KCNIP4: variants seen among roughly 807,000 people sequenced by gnomAD.
The protein encoded by KCNIP4 is Kv channel-interacting protein 4.
In KCNIP4, 12 loss-of-function variants were observed where a neutral mutation model predicts 34.0. The observed-to-expected ratio is 0.35, with a 90% confidence interval of 0.23 to 0.57. KCNIP4 has a LOEUF of 0.57. Ranked by LOEUF, KCNIP4 falls within the 20% of genes least tolerant of loss-of-function variation. The pLI is 0.83. For missense variants in KCNIP4, 238 were observed against 311.7 expected (o/e 0.76, Z 1.78); for synonymous variants, 124 against 102.2 (o/e 1.21, Z -1.29).
intron 1 of KCNIP4, among the ~76,000 whole-genome samples, chr4:21,441,111 T>C (rs1424859087): frequency 6.6e-6 from 1 of 151,686 alleles, no homozygotes; most frequent in Non-Finnish European, 1.5e-5. Flanking sequence ...CAGGGTCTTC[T>C]ATCTGCCCTT....
intron 1 of KCNIP4, among the ~76,000 whole-genome samples, chr4:21,404,981 C>A (rs1723848471): frequency 6.6e-6 from 1 of 152,068 alleles, no homozygotes; most frequent in South Asian, 2.1e-4. Context: ...TTGTAAAAAC[C>A]AGTTTTAGCA....
chr4:21,123,369 T>C (rs1750337122), intron 1 of KCNIP4, among the ~76,000 whole-genome samples: 1 of 152,162 alleles, frequency 6.6e-6, no homozygotes, highest in African/African-American at 2.4e-5. Flanking sequence ...CTCACAGAGC[T>C]TGTGATTTCA....
intron 1 of KCNIP4, among the ~76,000 whole-genome samples, chr4:21,100,924 G>A (rs1010810668): frequency 6.6e-6 from 1 of 152,098 alleles, no homozygotes; most frequent in Non-Finnish European, 1.5e-5. Flanking sequence ...GTTTGTGTGT[G>A]TATGTGAAGA....
intron 1 of KCNIP4, among the ~76,000 whole-genome samples, chr4:21,876,369 T>C (rs1411179498): frequency 6.6e-6 from 1 of 152,178 alleles, no homozygotes; most frequent in Non-Finnish European, 1.5e-5. Context: ...TGGAAGTTAG[T>C]AAAATAAAGA....
chr4:21,094,744 C>T (rs926609438), intron 1 of KCNIP4, among the ~76,000 whole-genome samples: 2 of 152,090 alleles, frequency 1.3e-5, no homozygotes, highest in Non-Finnish European at 1.5e-5. Context: ...AAGGCAGCTG[C>T]CACATTGTGA....
intron 1 of KCNIP4, among the ~76,000 whole-genome samples, chr4:21,736,676 A>C (rs1450730): frequency 0.75 from 113,500 of 152,100 alleles, 44,084 homozygotes; most frequent in African/African-American, 0.91. Flanking sequence ...TACCTCTTCC[A>C]TTATCTGTAT....
At chr4:21,539,782 C>A (rs745942473) in intron 1 of KCNIP4, among the ~76,000 whole-genome samples, 2 of 151,976 alleles carry the variant, frequency 1.3e-5, no homozygotes, top group South Asian at 4.2e-4. Flanking sequence ...AGTATAAGAC[C>A]AGCCTGGCCA....
chr4:21,192,184 T>A (rs1273421889), intron 1 of KCNIP4, among the ~76,000 whole-genome samples: 1 of 152,186 alleles, frequency 6.6e-6, no homozygotes, highest in Non-Finnish European at 1.5e-5. Flanking sequence ...AGCATTTTCT[T>A]ATAGTTAAAT....
At chr4:20,957,860 G>C (rs1733472644) in intron 1 of KCNIP4, among the ~76,000 whole-genome samples, 1 of 152,102 alleles carries the variant, frequency 6.6e-6, no homozygotes, top group African/African-American at 2.4e-5. Flanking sequence ...TATGTTATAG[G>C]AGATATCTTT....
intron 1 of KCNIP4, among the ~76,000 whole-genome samples, chr4:21,496,685 G>A (rs543120455): frequency 8.5e-5 from 13 of 152,296 alleles, no homozygotes; most frequent in Non-Finnish European, 1.3e-4. Context: ...GTTAGGAACC[G>A]GCTGCACAGC....
chr4:20,822,510 T>C (rs1463577138), intron 3 of KCNIP4, among the ~76,000 whole-genome samples: 1 of 152,106 alleles, frequency 6.6e-6, no homozygotes, highest in Admixed American at 6.5e-5. Flanking sequence ...TGGAAAACAA[T>C]ACGAAGATTC....
At position 20,992,896 on chromosome 4, in the gene KCNIP4, T is replaced by G. The variant is rs374543196; in HGVS notation, c.62-110187A>C. On this transcript the variant is annotated intron_variant, in intron 1 of 8. Transcript: ENST00000382152. ...TACAAAAATCAGCCGGGCGCGGCGG[T>G]GGGCACCTGTAATCCCAGCTACTCT... 2.1e-4 allele frequency among the ~76,000 whole-genome samples: 32 copies of G among 151,130 alleles called. No individual in the cohort carries two copies. In the South Asian group the frequency reaches 2.9e-3, roughly 14 times the overall value.
At chr4:21,942,865 C>G (rs554930981) in intron 1 of KCNIP4, among the ~76,000 whole-genome samples, 6 of 152,172 alleles carry the variant, frequency 3.9e-5, no homozygotes, top group African/African-American at 1.4e-4. Flanking sequence ...TCAAGCGATT[C>G]TCCCTGCCTC....
At chr4:21,397,467 A>T (rs1723102868) in intron 1 of KCNIP4, among the ~76,000 whole-genome samples, 1 of 152,230 alleles carries the variant, frequency 6.6e-6, no homozygotes, top group Admixed American at 6.5e-5. Context: ...ATGGGTTGAT[A>T]GGTACAGCAA....
chr4:21,652,652 G>A (rs1286004482), intron 1 of KCNIP4, among the ~76,000 whole-genome samples: 1 of 152,140 alleles, frequency 6.6e-6, no homozygotes, highest in African/African-American at 2.4e-5. Flanking sequence ...TATGCTACAA[G>A]TGCCAGATTT....
intron 1 of KCNIP4, among the ~76,000 whole-genome samples, chr4:21,147,219 C>T (rs1412318019): frequency 6.6e-6 from 1 of 152,106 alleles, no homozygotes; most frequent in African/African-American, 2.4e-5. Context: ...GCTACAGTTC[C>T]ATTCCTTGGA....
At chr4:21,192,949 CTACTAATAA>C (rs1206164262) in intron 1 of KCNIP4, among the ~76,000 whole-genome samples, 2 of 144,606 alleles carry the variant, frequency 1.4e-5, no homozygotes, top group South Asian at 2.2e-4. Flanking sequence ...ACTACTACTA[CTACTAATAA>C]TAATAATAAT....
chr4:21,132,876 T>C (rs996555665), intron 1 of KCNIP4, among the ~76,000 whole-genome samples: 1 of 113,164 alleles, frequency 8.8e-6, no homozygotes, highest in African/African-American at 3.2e-5. Flanking sequence ...AAAAAAAAAA[T>C]TAGCCAGGTG....
At chr4:21,253,846 T>C (rs1386751536) in intron 1 of KCNIP4, among the ~76,000 whole-genome samples, 6 of 152,118 alleles carry the variant, frequency 3.9e-5, no homozygotes, top group Admixed American at 6.5e-5. Flanking sequence ...CAGCTAGATA[T>C]GTGGGATGTT....
Sources: gnomAD v4.1 joint callset for allele counts (sites outside exome capture counted in the v4.1 genomes callset) on GRCh38, gnomAD v4.1.1 for gene constraint, MANE v1.5 for transcripts, NCBI Gene and HGNC (gene_info 2026-07-23, HGNC 2026-07-21) for gene names.